FAM120A: variants seen among roughly 807,000 people sequenced by gnomAD.
FAM120A encodes constitutive coactivator of PPAR-gamma-like protein 1.
FAM120A carries 15 observed loss-of-function variants against 109.7 expected under a neutral mutation model. The observed-to-expected ratio is 0.14, with a 90% CI of 0.09 to 0.21. The LOEUF is 0.21. Among genes scored for constraint, FAM120A ranks in the 10% least tolerant of loss-of-function variants. The pLI, the probability that FAM120A is intolerant of heterozygous loss-of-function variation, is 1.00. For synonymous variants in FAM120A, 493 were observed against 572.8 expected (o/e 0.86, Z 1.99); for missense variants, 899 against 1,439.3 (o/e 0.62, Z 6.07).
intron 1 of FAM120A, among the ~76,000 whole-genome samples, 161 bp from the exon 2 acceptor site, chr9:93,470,980 A>G (rs1858284222): frequency 1.3e-5 from 2 of 152,170 alleles, no homozygotes; most frequent in African/African-American, 2.4e-5. Flanking sequence ...TAGTGGAGCA[A>G]TGTGTTGCAA....
At chr9:93,493,937 T>C (rs1859455660) in intron 3 of FAM120A, among the ~76,000 whole-genome samples, 1 of 152,256 alleles carries the variant, frequency 6.6e-6, no homozygotes, top group South Asian at 2.1e-4. Context: ...CCTTTTCTTA[T>C]GGAAGAGTAT....
chr9:93,463,352 C>T (rs2131224352), intron 1 of FAM120A, among the ~76,000 whole-genome samples: 1 of 152,132 alleles, frequency 6.6e-6, no homozygotes, highest in South Asian at 2.1e-4. Flanking sequence ...ATCACTGTAC[C>T]CAATTCTCAT....
intron 1 of FAM120A, among the ~76,000 whole-genome samples, chr9:93,464,422 A>G (rs551286723): frequency 1.3e-5 from 2 of 152,280 alleles, no homozygotes; most frequent in South Asian, 4.1e-4. Context: ...CACTTCTTAA[A>G]CTTGTCAACA....
In FAM120A at chr9:93,532,256, C is replaced by T; in HGVS notation, c.1836C>T (p.Val612=). The change falls in exon 10 of 18, where the codon GTC becomes GTT. Residue 612 remains valine (V), a synonymous_variant. Transcript: ENST00000277165. This position sits in a 1 kb window ranked among gnomAD's most constrained non-coding sequence, Gnocchi z 4.3. Reference sequence around the variant, plus strand: ...CAGTTCGTCAGTATGTTTACGGAGTCCTGTTTAGTTTGGCAGAAAGCAGAA... The same window carrying T: ...CAGTTCGTCAGTATGTTTACGGAGTTCTGTTTAGTTTGGCAGAAAGCAGAA... ...YRPVRQYVYG[V]LFSLAESRKK... The T allele has an allele frequency of 6.2e-7, 1 of 1,614,232 alleles. No homozygotes were observed. Among genetic ancestry groups the T allele is most frequent in the Non-Finnish European group, 8.5e-7 (1 of 1,180,038 alleles).
Position 93,562,319 on chromosome 9 carries a change from T to C in FAM120A, c.3045+15T>C. On this transcript the variant is annotated intron_variant, in intron 17 of 17. Coordinates refer to ENST00000277165, the MANE Select transcript of FAM120A (RefSeq NM_014612.5). ...CAGCAATTCAGGTAAGAAGACAACA[T>C]GATGTTTGTGCCAGTTCAATGCCCT... is the stretch of plus-strand genomic sequence containing the variant. 6.2e-7 allele frequency: 1 copy of C among 1,602,598 alleles called. No individual in the cohort carries two copies. Among genetic ancestry groups the C allele is most frequent in the Non-Finnish European group, 8.5e-7 (1 of 1,169,780 alleles).
chr9:93,473,800 T>C (rs1304750632), intron 2 of FAM120A, among the ~76,000 whole-genome samples: 1 of 152,222 alleles, frequency 6.6e-6, no homozygotes, highest in Non-Finnish European at 1.5e-5. Context: ...TTTTCAAATA[T>C]TAAAATATAA....
chr9:93,538,497 T>C (rs919921873), intron 10 of FAM120A, among the ~76,000 whole-genome samples: 1 of 152,212 alleles, frequency 6.6e-6, no homozygotes, highest in Non-Finnish European at 1.5e-5. Context: ...TCGTCAAGTA[T>C]AATAGTAGCT....
At chr9:93,463,820 G>A (rs1318713616) in intron 1 of FAM120A, among the ~76,000 whole-genome samples, 1 of 152,206 alleles carries the variant, frequency 6.6e-6, no homozygotes, top group Non-Finnish European at 1.5e-5. Flanking sequence ...GTCAGAAAAT[G>A]TATGTATGAG....
At chr9:93,496,435 A>T (rs1859576719) in intron 3 of FAM120A, among the ~76,000 whole-genome samples, 1 of 152,206 alleles carries the variant, frequency 6.6e-6, no homozygotes, top group South Asian at 2.1e-4. Context: ...TTTATCCATT[A>T]TGGGTTGTGG....
At chr9:93,466,776 C>G (rs1014568264) in intron 1 of FAM120A, among the ~76,000 whole-genome samples, 14 of 152,172 alleles carry the variant, frequency 9.2e-5, no homozygotes, top group Non-Finnish European at 1.5e-4. Context: ...ATGGCTAATG[C>G]AGCACCATGA....
At chr9:93,468,033 C>T (rs1245644230) in intron 1 of FAM120A, among the ~76,000 whole-genome samples, 1 of 152,126 alleles carries the variant, frequency 6.6e-6, no homozygotes. Context: ...AGGCGCCCGC[C>T]ACCACGCCTG....
Position 93,564,654 on chromosome 9 carries a change from A to T in FAM120A, c.*114A>T. 1 of 829,006 alleles carries T rather than the reference A, an allele frequency of 1.2e-6. No homozygotes were observed. The highest frequency in any genetic ancestry group is 1.8e-6 in the Non-Finnish European group (1 of 556,982). The allele number at this position is 829,006 out of a possible 1,614,324, so 51.4% of individuals were successfully genotyped here. A position where few individuals can be genotyped will look rare whatever the true frequency, so the allele number is the denominator to read the frequency against. ...TTGTCCTTTCCGTAAGAGAAAAATGAGGACTTTGGAAATTCAGATCCCTCT... is the reference window on the plus strand; with the variant it reads ...TTGTCCTTTCCGTAAGAGAAAAATGTGGACTTTGGAAATTCAGATCCCTCT... On this transcript the variant is annotated 3_prime_UTR_variant, in exon 18 of 18. Coordinates refer to ENST00000277165, the MANE Select transcript of FAM120A (RefSeq NM_014612.5).
intron 3 of FAM120A, among the ~76,000 whole-genome samples, chr9:93,496,491 G>A (rs1367823508): frequency 1.3e-5 from 2 of 152,186 alleles, no homozygotes; most frequent in Non-Finnish European, 2.9e-5. Context: ...TCCTTTCCTT[G>A]TATGTTAACA....
chr9:93,486,535 CTTTTTTTT>C (rs139344165), intron 3 of FAM120A, among the ~76,000 whole-genome samples: 1 of 138,582 alleles, frequency 7.2e-6, no homozygotes, highest in Non-Finnish European at 1.6e-5. Flanking sequence ...TTTCTTTTTT[CTTTTTTTT>C]TTTTTTGAGA....
At chr9:93,486,616 C>T (rs898915227) in intron 3 of FAM120A, among the ~76,000 whole-genome samples, 2 of 151,708 alleles carry the variant, frequency 1.3e-5, no homozygotes, top group African/African-American at 2.4e-5. Context: ...TCTCTGCAAC[C>T]TCTGCCTCCC....
intron 5 of FAM120A, among the ~76,000 whole-genome samples, chr9:93,511,793 GTTTATTTA>G (rs1255041786): frequency 6.6e-6 from 1 of 152,112 alleles, no homozygotes; most frequent in African/African-American, 2.4e-5. Flanking sequence ...ATGTCTGCCT[GTTTATTTA>G]TTTATTTATG....
chr9:93,468,181 G>A (rs1193191140), intron 1 of FAM120A, among the ~76,000 whole-genome samples: 1 of 152,156 alleles, frequency 6.6e-6, no homozygotes, highest in Non-Finnish European at 1.5e-5. Flanking sequence ...ACTGCGCCCG[G>A]CTACCACCTT....
At chr9:93,481,794 ACCCCTTTTCT>A (rs1001553502) in intron 3 of FAM120A, among the ~76,000 whole-genome samples, 1 of 151,742 alleles carries the variant, frequency 6.6e-6, no homozygotes, top group Admixed American at 6.6e-5. Context: ...TTTTTGAAAG[ACCCCTTTTCT>A]GCATGGTGAG....
At chr9:93,511,039 G>A (rs1302928986) in intron 5 of FAM120A, among the ~76,000 whole-genome samples, 1 of 151,694 alleles carries the variant, frequency 6.6e-6, no homozygotes, top group East Asian at 1.9e-4. Flanking sequence ...CCAGCAGTCA[G>A]TAAAGCAACC....
Sources: allele counts gnomAD v4.1 joint callset (sites outside exome capture counted in the v4.1 genomes callset), GRCh38; gene constraint gnomAD v4.1.1; non-coding constraint Gnocchi (gnomAD v3.1); transcripts MANE v1.5; gene names NCBI Gene and HGNC (gene_info 2026-07-23, HGNC 2026-07-21).